The following RANBP17 variants were observed in gnomAD, a reference collection of about 807,000 sequenced individuals.
RANBP17 encodes the protein ran-binding protein 17.
A neutral mutation model predicts 141.2 loss-of-function variants in RANBP17; 158 were observed. The observed-to-expected ratio is 1.12, with a 90% CI of 0.98 to 1.28. The LOEUF (loss-of-function observed/expected upper bound fraction) is 1.28. RANBP17 is among the 50% of genes most tolerant of loss of function. The pLI, the probability that RANBP17 is intolerant of heterozygous loss-of-function variation, is 0.00. For synonymous variants in RANBP17, 430 were observed against 450.0 expected, an observed-to-expected ratio of 0.96 and a Z score of 0.56; for missense variants, 1,438 against 1,290.7, an observed-to-expected ratio of 1.11 and a Z score of -1.75.
intron 14 of RANBP17, among the ~76,000 whole-genome samples, chr5:170,971,400 C>T (rs1032674229): frequency 2.0e-5 from 3 of 152,132 alleles, no homozygotes; most frequent in Non-Finnish European, 4.4e-5. Context: ...TTGTTAAAAT[C>T]CTTCCTTTCT....
intron 14 of RANBP17, among the ~76,000 whole-genome samples, chr5:170,979,559 T>TGG (rs1440160188): frequency 1.3e-5 from 2 of 152,158 alleles, no homozygotes; most frequent in Admixed American, 1.3e-4. Flanking sequence ...GGACAGGTCT[T>TGG]TCCTATGCTG....
At chr5:170,876,182 T>A (rs1768163212) in intron 1 of RANBP17, among the ~76,000 whole-genome samples, 1 of 152,122 alleles carries the variant, frequency 6.6e-6, no homozygotes, top group African/African-American at 2.4e-5. Flanking sequence ...GAGTAGGGGC[T>A]CCCCTGCCCT....
At chr5:170,958,194 G>A (rs1447808568) in intron 13 of RANBP17, among the ~76,000 whole-genome samples, 1 of 152,178 alleles carries the variant, frequency 6.6e-6, no homozygotes, top group Non-Finnish European at 1.5e-5. Flanking sequence ...GTTTCTTACT[G>A]GTTAATGTCT....
intron 14 of RANBP17, among the ~76,000 whole-genome samples, chr5:171,156,663 A>T (rs2127845692): frequency 6.6e-6 from 1 of 152,292 alleles, no homozygotes; most frequent in Non-Finnish European, 1.5e-5. Context: ...AATTGTTTTA[A>T]AAGGCATGTA....
intron 2 of RANBP17, among the ~76,000 whole-genome samples, chr5:170,881,062 A>G (rs1768629778): frequency 1.3e-5 from 2 of 151,448 alleles, no homozygotes; most frequent in Non-Finnish European, 2.9e-5. Flanking sequence ...TATGGACACC[A>G]AAATACAGAT....
chr5:170,991,912 A>G (rs1778536288), intron 14 of RANBP17, among the ~76,000 whole-genome samples: 1 of 152,022 alleles, frequency 6.6e-6, no homozygotes, highest in Non-Finnish European at 1.5e-5. Context: ...TGTAATTCTA[A>G]ATTTGTGTTG....
At chr5:171,262,587 G>C (rs553714867) in intron 24 of RANBP17, among the ~76,000 whole-genome samples, 2 of 152,234 alleles carry the variant, frequency 1.3e-5, no homozygotes, top group South Asian at 4.1e-4. Flanking sequence ...GGTATACACT[G>C]TGTAATGACC....
In RANBP17 at chr5:170,862,043, C is replaced by G; in HGVS notation, c.10C>G (p.His4Asp). The G allele has an allele frequency of 3.4e-6, 5 of 1,463,548 alleles. No homozygotes were observed. Among genetic ancestry groups the G allele is most frequent in the Non-Finnish European group, 4.5e-6 (5 of 1,114,790 alleles). 90.7% of individuals were successfully genotyped at this position (1,463,548 alleles called of 1,614,324 possible). A position where few individuals can be genotyped will look rare whatever the true frequency, so the allele number is the denominator to read the frequency against. Residue 4 changes from histidine (H) to aspartate (D), a missense_variant, in exon 1 of 28, where the codon CAC (histidine) becomes GAC (aspartate). By Grantham distance (81) the His-to-Asp change is moderately conservative. Transcript: ENST00000523189. MAL[H>D]FQSLAELEVL... ...GCCGCCTCCTGGGAAGATGGCGCTG[C>G]ACTTCCAGGTCAGTGTGCTCTGCGC... is the stretch of plus-strand genomic sequence containing the variant.
At chr5:170,958,982 T>A (rs1045414942) in intron 13 of RANBP17, among the ~76,000 whole-genome samples, 10 of 152,226 alleles carry the variant, frequency 6.6e-5, no homozygotes, top group Admixed American at 4.6e-4. Context: ...TTGCAATTTT[T>A]AAAATTTTTG....
At chr5:171,186,526 C>CTTTTCTTTTT (rs1761250196) in intron 18 of RANBP17, among the ~76,000 whole-genome samples, 1 of 41,650 alleles carries the variant, frequency 2.4e-5, no homozygotes, top group East Asian at 8.9e-4. Context: ...GTATGATTTT[C>CTTTTCTTTTT]TTTTTTTTTT....
At chr5:171,234,873 C>T (rs969412883) in intron 22 of RANBP17, among the ~76,000 whole-genome samples, 1 of 152,112 alleles carries the variant, frequency 6.6e-6, no homozygotes, top group Non-Finnish European at 1.5e-5. Context: ...CTAGGGAGTC[C>T]TTTGACTCAT....
intron 14 of RANBP17, among the ~76,000 whole-genome samples, chr5:171,053,238 A>C (rs753161671): frequency 2.0e-5 from 3 of 152,086 alleles, no homozygotes; most frequent in East Asian, 1.9e-4. Flanking sequence ...CAGGTAGTAC[A>C]TGTGCAGATT....
chr5:170,897,206 C>T lies in RANBP17; in HGVS notation c.489+1091C>T, dbSNP rs996594389. On this transcript the variant is annotated intron_variant, in intron 5 of 27. Transcript: ENST00000523189. Reference sequence around the variant, plus strand: ...CTCCGGAAATAATTGGGCTGTGGATCACAAAGTTTTTGGCAGTCTGTATCA... The same window carrying T: ...CTCCGGAAATAATTGGGCTGTGGATTACAAAGTTTTTGGCAGTCTGTATCA... The T allele has an allele frequency of 1.4e-5, 10 of 701,372 alleles. No individual in the cohort carries two copies. The Admixed American group carries it at 1.8e-4, about 13-fold the overall frequency. 43.4% of individuals were successfully genotyped at this position (701,372 alleles called of 1,614,324 possible).
intron 14 of RANBP17, among the ~76,000 whole-genome samples, chr5:171,068,232 A>G (rs1325698266): frequency 6.6e-6 from 1 of 151,258 alleles, no homozygotes; most frequent in African/African-American, 2.4e-5. Context: ...GTGCTTTTCA[A>G]CTCCAGAATT....
Position 170,928,053 on chromosome 5 carries a change from T to C in RANBP17, c.1468+3503T>C, listed in dbSNP as rs181476642. Among the ~76,000 whole-genome samples, 719 of 152,266 alleles carry C rather than the reference T, an allele frequency of 4.7e-3. 4 individuals are homozygous for C. Among genetic ancestry groups the C allele is most frequent in the African/African-American group, 0.017 (697 of 41,578 alleles). On this transcript the variant is annotated intron_variant, in intron 12 of 27. Transcript: ENST00000523189. ...TCATTTGCCATCTGTTTAGGCACTCTACTGGGTGTCTAGTGTTATCTCACT... is the reference window on the plus strand; with the variant it reads ...TCATTTGCCATCTGTTTAGGCACTCCACTGGGTGTCTAGTGTTATCTCACT...
intron 14 of RANBP17, among the ~76,000 whole-genome samples, chr5:171,066,189 A>G (rs1011994513): frequency 6.6e-6 from 1 of 152,160 alleles, no homozygotes; most frequent in Admixed American, 6.5e-5. Flanking sequence ...TCAGTTTGAA[A>G]TAAAACTAAA....
chr5:170,902,127 G>A (rs1270026674), intron 5 of RANBP17, among the ~76,000 whole-genome samples: 1 of 152,146 alleles, frequency 6.6e-6, no homozygotes, highest in Non-Finnish European at 1.5e-5. Flanking sequence ...TTCCAACTTG[G>A]TTCCATTCTC....
chr5:171,103,331 TA>T (rs1351659085), intron 14 of RANBP17, among the ~76,000 whole-genome samples: 3 of 152,228 alleles, frequency 2.0e-5, no homozygotes, highest in Non-Finnish European at 4.4e-5. Context: ...GCAGTCTGGC[TA>T]CAGCGACTTT....
chr5:171,208,704 G>A (rs996661702), intron 20 of RANBP17, among the ~76,000 whole-genome samples: 1 of 152,292 alleles, frequency 6.6e-6, no homozygotes. Flanking sequence ...CTAGATTCCA[G>A]TCCTGGATTC....
Sources: allele counts gnomAD v4.1 joint callset (sites outside exome capture counted in the v4.1 genomes callset), GRCh38; gene constraint gnomAD v4.1.1; transcripts MANE v1.5; gene names NCBI Gene and HGNC (gene_info 2026-07-23, HGNC 2026-07-21).